Variants in RAB21 observed in about 807,000 individuals in gnomAD.
The protein encoded by RAB21 is ras-related protein Rab-21.
A neutral mutation model predicts 33.1 loss-of-function variants in RAB21; 13 were observed. The ratio of observed to expected loss-of-function variants is 0.39; its 90% confidence interval spans 0.26 to 0.62. RAB21 has a LOEUF of 0.62. Ranked by LOEUF, RAB21 falls within the 20% of genes least tolerant of loss-of-function variation. The pLI is 0.48. For missense variants in RAB21, 234 were observed against 279.1 expected (o/e 0.84, Z 1.15); for synonymous variants, 91 against 103.7 (o/e 0.88, Z 0.74).
rs1883451510 is a variant in RAB21 at position 71,795,159 on chromosome 12, C to T, written c.*9486C>T. On this transcript the variant is annotated 3_prime_UTR_variant, in exon 7 of 7. Coordinates refer to ENST00000261263, the MANE Select transcript of RAB21 (RefSeq NM_014999.4). Reference sequence around the variant, plus strand: ...TGTCCTTTTCTATTGATAATGAATTCTAGGAATATGGATGGATTTCATTAG... The same window carrying T: ...TGTCCTTTTCTATTGATAATGAATTTTAGGAATATGGATGGATTTCATTAG... The T allele has an allele frequency of 6.6e-6, 1 of 151,958 alleles. No homozygotes were observed. The highest frequency in any genetic ancestry group is 2.1e-4 in the South Asian group (1 of 4,820). The allele number at this position is 151,958 out of a possible 1,614,324, so 9.4% of individuals were successfully genotyped here. A position where few individuals can be genotyped will look rare whatever the true frequency, so the allele number is the denominator to read the frequency against.
At chr12:71,783,465 C>G (rs1883232987) in intron 6 of RAB21, among the ~76,000 whole-genome samples, 1 of 149,812 alleles carries the variant, frequency 6.7e-6, no homozygotes, top group African/African-American at 2.5e-5. Context: ...TGTGTGTACA[C>G]ACACACACAC....
At chr12:71,780,038 A>G (rs1883175516) in intron 4 of RAB21, among the ~76,000 whole-genome samples, 1 of 152,234 alleles carries the variant, frequency 6.6e-6, no homozygotes, top group African/African-American at 2.4e-5. Flanking sequence ...AATAATAGTT[A>G]TTTAGATTTA....
At position 71,789,409 on chromosome 12, in the gene RAB21, G is replaced by A. The variant is rs576929477; in HGVS notation, c.*3736G>A. 6.6e-6 allele frequency: 1 copy of A among 152,100 alleles called. No homozygotes were observed. The highest frequency in any genetic ancestry group is 6.5e-5 in the Admixed American group (1 of 15,282). The allele number at this position is 152,100 out of a possible 1,614,324, so 9.4% of individuals were successfully genotyped here. ...GTATAGTTTACTCTTATAATTACCC[G>A]TTACGTTATCTCTAAAAGTAGTTTG... is the stretch of plus-strand genomic sequence containing the variant. On this transcript the variant is annotated 3_prime_UTR_variant, in exon 7 of 7. Transcript: ENST00000261263.
At chr12:71,757,588 T>G (rs1345471891) in intron 1 of RAB21, among the ~76,000 whole-genome samples, 1 of 152,266 alleles carries the variant, frequency 6.6e-6, no homozygotes, top group African/African-American at 2.4e-5. Context: ...ATTTAGGATT[T>G]TGTTGTACAC....
rs1345791441 is a variant in RAB21, at chr12:71,794,470, G to A, written c.*8797G>A. On this transcript the variant is annotated 3_prime_UTR_variant, in exon 7 of 7. Coordinates refer to ENST00000261263, the MANE Select transcript of RAB21 (RefSeq NM_014999.4). ...TTTTTTTTTTTTGAGACGGAGTCTC[G>A]CTCTGTCCCAGGCCAGAGTGCAGTG... is the stretch of plus-strand genomic sequence containing the variant. 5.9e-5 allele frequency: 6 copies of A among 101,848 alleles called. No homozygotes were observed. The highest frequency in any genetic ancestry group is 6.7e-4 in the South Asian group (2 of 2,968). The allele number at this position is 101,848 out of a possible 1,614,324, so 6.3% of individuals were successfully genotyped here.
intron 1 of RAB21, among the ~76,000 whole-genome samples, chr12:71,768,961 C>G (rs535043021): frequency 6.6e-6 from 1 of 151,958 alleles, no homozygotes; most frequent in Non-Finnish European, 1.5e-5. Flanking sequence ...AAATACATGT[C>G]TGGTGTCTTA....
At chr12:71,778,155 T>A (rs926141628) in intron 4 of RAB21, among the ~76,000 whole-genome samples, 1 of 152,214 alleles carries the variant, frequency 6.6e-6, no homozygotes, top group Admixed American at 6.5e-5. Context: ...TAGATCCTTA[T>A]CTAAGTCCCT....
intron 2 of RAB21, among the ~76,000 whole-genome samples, chr12:71,770,216 G>C (rs989059067): frequency 6.6e-6 from 1 of 152,048 alleles, no homozygotes; most frequent in Non-Finnish European, 1.5e-5. Flanking sequence ...CTTGATGCAC[G>C]TGCCATTTCC....
At position 71,794,418 on chromosome 12, in the gene RAB21, TA is replaced by T; in HGVS notation, c.*8746del. The T allele has an allele frequency of 1.9e-5, 1 of 52,986 alleles. No individual in the cohort carries two copies. Among genetic ancestry groups the T allele is most frequent in the African/African-American group, 1.1e-4 (1 of 8,802 alleles). The allele number at this position is 52,986 out of a possible 1,614,324, so 3.3% of individuals were successfully genotyped here. ...ACCATATATATATTATATATATATA[TA>T]TATATATATTTTTTTTTTTTTTTTT... On this transcript the variant is annotated 3_prime_UTR_variant, in exon 7 of 7. Coordinates refer to ENST00000261263, the MANE Select transcript of RAB21 (RefSeq NM_014999.4).
rs1883490007 is a variant in RAB21 at position 71,798,185 on chromosome 12, G to A, written c.*12512G>A. On this transcript the variant is annotated 3_prime_UTR_variant, in exon 7 of 7. Coordinates refer to ENST00000261263, the MANE Select transcript of RAB21 (RefSeq NM_014999.4). ...TGCAACCTCTGCCTCCCAGGTTCAA[G>A]CAATTATTCCTACCTTAGCCTCCCA... 6.6e-6 allele frequency: 1 copy of A among 152,190 alleles called. No homozygotes were observed. Among genetic ancestry groups the A allele is most frequent in the African/African-American group, 2.4e-5 (1 of 41,416 alleles). The allele number at this position is 152,190 out of a possible 1,614,324, so 9.4% of individuals were successfully genotyped here. A position where few individuals can be genotyped will look rare whatever the true frequency, so the allele number is the denominator to read the frequency against.
At chr12:71,755,933 C>T (rs548057222) in intron 1 of RAB21, among the ~76,000 whole-genome samples, 5 of 152,264 alleles carry the variant, frequency 3.3e-5, no homozygotes, top group Non-Finnish European at 5.9e-5. Context: ...GGTCCCCAGA[C>T]TAAAAGCCGC....
Position 71,755,118 on chromosome 12 carries a change from G to A in RAB21, c.-12G>A. The A allele has an allele frequency of 8.5e-6, 10 of 1,179,886 alleles. No individual in the cohort carries two copies. Among genetic ancestry groups the A allele is most frequent in the Non-Finnish European group, 1.0e-5 (10 of 957,426 alleles). 73.1% of individuals were successfully genotyped at this position (1,179,886 alleles called of 1,614,324 possible). A position where few individuals can be genotyped will look rare whatever the true frequency, so the allele number is the denominator to read the frequency against. On this transcript the variant is annotated 5_prime_UTR_variant, in exon 1 of 7. Coordinates refer to ENST00000261263, the MANE Select transcript of RAB21 (RefSeq NM_014999.4). ...CGCGACACTCGGGCTCGGGCGGCCG[G>A]GAAGCGACGGGATGGCTGCGGCCGG...
rs1033324206 is a variant in RAB21, at chr12:71,754,864, T to C, written c.-266T>C. 1 of 168,458 alleles carries C rather than the reference T, an allele frequency of 5.9e-6. No individual in the cohort carries two copies. Among genetic ancestry groups the C allele is most frequent in the African/African-American group, 2.4e-5 (1 of 41,712 alleles). The allele number at this position is 168,458 out of a possible 1,614,324, so 10.4% of individuals were successfully genotyped here. A position where few individuals can be genotyped will look rare whatever the true frequency, so the allele number is the denominator to read the frequency against. On this transcript the variant is annotated 5_prime_UTR_variant, in exon 1 of 7. Coordinates refer to ENST00000261263, the MANE Select transcript of RAB21 (RefSeq NM_014999.4). ...CGCTCACGTGACCCGAGGTGTGACGTAGGAGGAAGGAGACGCCATTAGAGG... is the reference window on the plus strand; with the variant it reads ...CGCTCACGTGACCCGAGGTGTGACGCAGGAGGAAGGAGACGCCATTAGAGG...
At chr12:71,762,647 A>G (rs1882892879) in intron 1 of RAB21, among the ~76,000 whole-genome samples, 1 of 151,176 alleles carries the variant, frequency 6.6e-6, no homozygotes, top group Non-Finnish European at 1.5e-5. Context: ...GAATGGCACG[A>G]TCTCAGTTCA....
rs1384568126 is a variant in RAB21, at chr12:71,796,141, G to C, written c.*10468G>C. On this transcript the variant is annotated 3_prime_UTR_variant, in exon 7 of 7. Transcript: ENST00000261263. ...GGCAAAGCATAGAATAGCCTCTGTGGTATACACACAGACAATGTAAAATCC... is the reference window on the plus strand; with the variant it reads ...GGCAAAGCATAGAATAGCCTCTGTGCTATACACACAGACAATGTAAAATCC... The C allele has an allele frequency of 7.3e-6, 1 of 137,308 alleles. No homozygotes were observed. The highest frequency in any genetic ancestry group is 1.5e-5 in the Non-Finnish European group (1 of 65,944). 8.5% of individuals were successfully genotyped at this position (137,308 alleles called of 1,614,324 possible).
chr12:71,772,782 T>A (rs1252702483), intron 3 of RAB21, among the ~76,000 whole-genome samples: 1 of 152,196 alleles, frequency 6.6e-6, no homozygotes. Flanking sequence ...TTTGTACATA[T>A]ATGTGAATGA....
chr12:71,772,179 T>C (rs1883053079), intron 3 of RAB21, among the ~76,000 whole-genome samples: 1 of 152,200 alleles, frequency 6.6e-6, no homozygotes. Flanking sequence ...TGGCTGGAGC[T>C]GGAATATCCA....
Position 71,762,507 on chromosome 12 carries a change from G to A in RAB21, c.159+7219G>A, listed in dbSNP as rs906551521. 1.3e-4 allele frequency among the ~76,000 whole-genome samples: 20 copies of A among 151,708 alleles called. No homozygotes were observed. The South Asian group carries it at 2.9e-3, about 22-fold the overall frequency. On this transcript the variant is annotated intron_variant, in intron 1 of 6. Transcript: ENST00000261263. Reference sequence around the variant, plus strand: ...TTTTTAGTAGAGACGGGGTTTCACCGTGTTAGCCAGGATGGTCTCGATCTC... The same window carrying A: ...TTTTTAGTAGAGACGGGGTTTCACCATGTTAGCCAGGATGGTCTCGATCTC...
At position 71,769,897 on chromosome 12, in the gene RAB21, C is replaced by T. The variant is rs10467173; in HGVS notation, c.219+38C>T. The T allele has an allele frequency of 6.6e-4, 749 of 1,135,178 alleles. 5 individuals carry two copies. In the African/African-American group the frequency reaches 0.011, roughly 16 times the overall value. 70.3% of individuals were successfully genotyped at this position (1,135,178 alleles called of 1,614,324 possible). A position where few individuals can be genotyped will look rare whatever the true frequency, so the allele number is the denominator to read the frequency against. ...TTTCAACTATTATGCGTGGAGGCTT[C>T]TTCCTTTTTTCTTTTTTTTTAAAGT... On this transcript the variant is annotated intron_variant, in intron 2 of 6. Coordinates refer to ENST00000261263, the MANE Select transcript of RAB21 (RefSeq NM_014999.4).
Sources: gnomAD v4.1 joint callset for allele counts (sites outside exome capture counted in the v4.1 genomes callset) on GRCh38, gnomAD v4.1.1 for gene constraint, MANE v1.5 for transcripts, NCBI Gene and HGNC (gene_info 2026-07-23, HGNC 2026-07-21) for gene names.